The following GRIA2 variants were observed in gnomAD, a reference collection of about 807,000 sequenced individuals.
GRIA2 encodes the protein glutamate receptor 2.
A neutral mutation model predicts 97.3 loss-of-function variants in GRIA2; 14 were observed. The ratio of observed to expected loss-of-function variants is 0.14; its 90% CI spans 0.10 to 0.23. GRIA2 has a LOEUF of 0.23. Among genes scored for constraint, GRIA2 ranks in the 10% least tolerant of loss-of-function variants. GRIA2 has a pLI of 1.00. For synonymous variants in GRIA2, 412 were observed against 387.8 expected (o/e 1.06, Z -0.73); for missense variants, 558 against 1,069.8 (o/e 0.52, Z 6.67).
Position 157,363,537 on chromosome 4 carries a change from C to T in GRIA2, c.*106C>T. 2 of 1,236,888 alleles carry T rather than the reference C, an allele frequency of 1.6e-6. No individual in the cohort carries two copies. The highest frequency in any genetic ancestry group is 2.0e-6 in the Non-Finnish European group (2 of 989,244). 76.6% of individuals were successfully genotyped at this position (1,236,888 alleles called of 1,614,324 possible). On this transcript the variant is annotated 3_prime_UTR_variant, in exon 16 of 16. Coordinates refer to ENST00000264426, the MANE Select transcript of GRIA2 (RefSeq NM_001083619.3). ...GACTCCAGAATTTCCCAAAGCAGTGCATGCTGTCCCTTACGTGAGTCCTGG... is the reference window on the plus strand; with the variant it reads ...GACTCCAGAATTTCCCAAAGCAGTGTATGCTGTCCCTTACGTGAGTCCTGG...
At chr4:157,314,168 G>A (rs1027997334) in intron 4 of GRIA2, among the ~76,000 whole-genome samples, 6 of 152,106 alleles carry the variant, frequency 3.9e-5, no homozygotes, top group African/African-American at 1.4e-4. Context: ...TATACACTGT[G>A]GCTGCTAGTG....
chr4:157,305,239 T>A (rs868462597), intron 3 of GRIA2, among the ~76,000 whole-genome samples: 1 of 152,144 alleles, frequency 6.6e-6, no homozygotes, highest in Non-Finnish European at 1.5e-5. Flanking sequence ...TCTTAATACC[T>A]CTTTCATCCT....
At chr4:157,312,625 A>G (rs919602024) in intron 3 of GRIA2, 54 bp from the exon 4 acceptor site, 2 of 1,000,722 alleles carry the variant, frequency 2.0e-6, no homozygotes, top group Non-Finnish European at 2.9e-6. Context: ...TCATAACACA[A>G]TCCTGAGTTA....
chr4:157,355,951 T>TTAATATATATTTATATATTTA (rs1736306427), intron 12 of GRIA2, among the ~76,000 whole-genome samples: 5 of 68,094 alleles, frequency 7.3e-5, no homozygotes, highest in African/African-American at 2.3e-4. Flanking sequence ...TAATATATAT[T>TTAATATATATTTATATATTTA]TATATATTTA....
chr4:157,357,269 T>A (rs931823977), intron 12 of GRIA2, among the ~76,000 whole-genome samples: 1 of 152,166 alleles, frequency 6.6e-6, no homozygotes, highest in Non-Finnish European at 1.5e-5. Flanking sequence ...CTTGTCCTAA[T>A]GAATCGCAGT....
chr4:157,231,175 A>C (rs989907770), intron 2 of GRIA2, among the ~76,000 whole-genome samples: 3 of 152,054 alleles, frequency 2.0e-5, no homozygotes, highest in Non-Finnish European at 4.4e-5. Context: ...AGTAGCTGGG[A>C]CTACAGGTGC....
At chr4:157,321,797 T>G (rs1333717407) in intron 6 of GRIA2, among the ~76,000 whole-genome samples, 198 bp downstream of exon 6, 1 of 152,204 alleles carries the variant, frequency 6.6e-6, no homozygotes, top group East Asian at 1.9e-4. Flanking sequence ...TGTATTACTC[T>G]TGTGTTTTCT....
intron 6 of GRIA2, among the ~76,000 whole-genome samples, chr4:157,330,468 G>T (rs1735001151): frequency 6.6e-6 from 1 of 151,854 alleles, no homozygotes; most frequent in Admixed American, 6.6e-5. Context: ...GATAACCCAT[G>T]AAAATTTATA....
intron 2 of GRIA2, among the ~76,000 whole-genome samples, chr4:157,239,580 A>T (rs1342066668): frequency 6.6e-6 from 1 of 151,650 alleles, no homozygotes; most frequent in East Asian, 1.9e-4. Context: ...TCTTATTTTG[A>T]CAATTAGAAA....
At chr4:157,232,630 A>C (rs181558290) in intron 2 of GRIA2, among the ~76,000 whole-genome samples, 1 of 152,334 alleles carries the variant, frequency 6.6e-6, no homozygotes, top group African/African-American at 2.4e-5. Flanking sequence ...TCAGAAAGGG[A>C]TACAAGGAAG....
intron 4 of GRIA2, among the ~76,000 whole-genome samples, chr4:157,316,653 G>A (rs1278615364): frequency 6.6e-6 from 1 of 152,118 alleles, no homozygotes; most frequent in Non-Finnish European, 1.5e-5. Flanking sequence ...AAGGGCCAAT[G>A]TGACTTGAGG....
chr4:157,269,468 C>T (rs1478832653), intron 2 of GRIA2, among the ~76,000 whole-genome samples: 6 of 151,936 alleles, frequency 3.9e-5, no homozygotes, highest in African/African-American at 1.2e-4. Context: ...AATTAGTAAA[C>T]GTACCTCTGA....
At chr4:157,260,787 C>T (rs2126767135) in intron 2 of GRIA2, among the ~76,000 whole-genome samples, 1 of 152,066 alleles carries the variant, frequency 6.6e-6, no homozygotes, top group South Asian at 2.1e-4. Context: ...GTGGTCTCCT[C>T]CTCTTTTTCC....
rs1735115885 is a variant in GRIA2 at position 157,332,829 on chromosome 4, C to T, written c.893C>T (p.Ala298Val). Residue 298 changes from alanine to valine, a missense_variant, in exon 7 of 16, where the codon GCT becomes GTT. Ala to Val is a moderately conservative substitution (Grantham distance 64, BLOSUM62 0). Transcript: ENST00000264426. Reference protein sequence around the residue: ...AHTTTIKYTSALTYDAVQVMT... With the variant: ...AHTTTIKYTSVLTYDAVQVMT... ...TGTGATCCTTTGCAGTATACTTCTG[C>T]TCTGACCTATGATGCCGTTCAAGTG... The T allele has an allele frequency of 1.2e-6, 2 of 1,611,464 alleles. No homozygotes were observed. Among genetic ancestry groups the T allele is most frequent in the Admixed American group, 1.7e-5 (1 of 59,828 alleles).
chr4:157,301,670 C>A lies in GRIA2; in HGVS notation c.230-1882C>A, dbSNP rs575390456. The stretch of plus-strand genomic sequence containing the variant: ...TTTAGCAATGCTCGTATTCATGAAA[C>A]AAATCTATTTTTTCTACAGACCATC... On this transcript the variant is annotated intron_variant, in intron 2 of 15. Transcript: ENST00000264426. 1.2e-4 allele frequency among the ~76,000 whole-genome samples: 19 copies of A among 152,216 alleles called. No homozygotes were observed. In the South Asian group the frequency reaches 2.7e-3, roughly 22 times the overall value.
At chr4:157,251,865 G>A (rs1299971504) in intron 2 of GRIA2, among the ~76,000 whole-genome samples, 1 of 152,086 alleles carries the variant, frequency 6.6e-6, no homozygotes, top group Non-Finnish European at 1.5e-5. Flanking sequence ...GACTAGTCTG[G>A]TAATTCTCAA....
At position 157,336,457 on chromosome 4, in the gene GRIA2, C is replaced by T. The variant is rs1176151305; in HGVS notation, c.1554C>T (p.Ser518=). ...EVIDFSKPFM[S]LGISIMIKKP... is the part of the protein sequence containing the mutation. ...TTGACTTCTCAAAGCCCTTCATGAG[C>T]CTCGGGATATCTATCATGATCAAGA... Residue 518 remains serine (S), a synonymous_variant, in exon 11 of 16, where the codon AGC becomes AGT. Coordinates refer to ENST00000264426, the MANE Select transcript of GRIA2 (RefSeq NM_001083619.3). 2.5e-6 allele frequency: 4 copies of T among 1,612,494 alleles called. No homozygotes were observed. The highest frequency in any genetic ancestry group is 3.4e-6 in the Non-Finnish European group (4 of 1,178,976).
At chr4:157,280,530 T>C (rs1732546591) in intron 2 of GRIA2, among the ~76,000 whole-genome samples, 1 of 152,142 alleles carries the variant, frequency 6.6e-6, no homozygotes, top group Admixed American at 6.6e-5. Flanking sequence ...GTGTGGTAAG[T>C]TGTGAGTTTC....
chr4:157,296,821 G>A (rs1364944735), intron 2 of GRIA2, among the ~76,000 whole-genome samples: 1 of 152,142 alleles, frequency 6.6e-6, no homozygotes, highest in Non-Finnish European at 1.5e-5. Flanking sequence ...TGCCTGCTGT[G>A]TGCCAAGTAC....
Sources: allele counts gnomAD v4.1 joint callset (sites outside exome capture counted in the v4.1 genomes callset), GRCh38; gene constraint gnomAD v4.1.1; transcripts MANE v1.5; gene names NCBI Gene and HGNC (gene_info 2026-07-23, HGNC 2026-07-21).